RAB11A: variants seen among roughly 807,000 people sequenced by gnomAD.
The protein encoded by RAB11A is RAB11A, member RAS oncogene family, also known as ras-related protein Rab-11A.
RAB11A carries 9 observed loss-of-function variants against 28.0 expected under a neutral mutation model. That is an observed-to-expected ratio of 0.32 (90% CI 0.19 to 0.56). The LOEUF is 0.56. Among genes scored for constraint, RAB11A ranks in the 20% least tolerant of loss-of-function variants. RAB11A has a pLI of 0.91. For missense variants in RAB11A, 108 were observed against 269.6 expected (o/e 0.40, Z 4.20); for synonymous variants, 85 against 88.2 (o/e 0.96, Z 0.20).
intron 1 of RAB11A, among the ~76,000 whole-genome samples, chr15:65,876,768 A>G (rs1012371785): frequency 4.6e-5 from 7 of 152,194 alleles, no homozygotes; most frequent in African/African-American, 1.7e-4. Flanking sequence ...GGTGATGTTT[A>G]TAAACCCTAT....
intron 4 of RAB11A, among the ~76,000 whole-genome samples, chr15:65,885,273 C>A (rs921724977): frequency 3.3e-5 from 5 of 151,434 alleles, no homozygotes; most frequent in Non-Finnish European, 4.4e-5. Context: ...CAGGCGGGTG[C>A]CACCCCACCT....
rs965315803 is a variant in RAB11A, at chr15:65,891,541, A to AT, written c.*3702dup. 1.3e-5 allele frequency: 2 copies of AT among 152,212 alleles called. No homozygotes were observed. Among genetic ancestry groups the AT allele is most frequent in the African/African-American group, 4.8e-5 (2 of 41,438 alleles). The allele number at this position is 152,212 out of a possible 1,614,324, so 9.4% of individuals were successfully genotyped here. On this transcript the variant is annotated 3_prime_UTR_variant, in exon 5 of 5. Transcript: ENST00000261890. ...TTTGAGCCTCACATTCTTCCAATTAATGAGGGTACCAGATTAAATAAACTC... is the reference window on the plus strand; with the variant it reads ...TTTGAGCCTCACATTCTTCCAATTAATTGAGGGTACCAGATTAAATAAACTC...
intron 1 of RAB11A, 146 bp downstream of exon 1, chr15:65,869,771 C>A: frequency 1.2e-6 from 1 of 846,958 alleles, no homozygotes; most frequent in Non-Finnish European, 1.7e-6. Context: ...CTACCCAGCT[C>A]AGCCTCTTCT....
chr15:65,874,603 T>C (rs1025268322), intron 1 of RAB11A, among the ~76,000 whole-genome samples: 3 of 152,172 alleles, frequency 2.0e-5, no homozygotes, highest in Non-Finnish European at 4.4e-5. Flanking sequence ...AGAGTGCTTT[T>C]TTTTTGTAGT....
At chr15:65,874,532 C>T (rs1160949569) in intron 1 of RAB11A, among the ~76,000 whole-genome samples, 4 of 152,044 alleles carry the variant, frequency 2.6e-5, no homozygotes, top group African/African-American at 4.8e-5. Context: ...TGAGCCACCA[C>T]GCCCGGCCTA....
rs2078300965 is a variant in RAB11A at position 65,891,977 on chromosome 15, G to T, written c.*4137G>T. ...TTAAAATATACTCATGTCTGGGAGAGAACTTTTAAAAACATTTTGTGTTTA... is the reference window on the plus strand; with the variant it reads ...TTAAAATATACTCATGTCTGGGAGATAACTTTTAAAAACATTTTGTGTTTA... On this transcript the variant is annotated 3_prime_UTR_variant, in exon 5 of 5. Transcript: ENST00000261890. 1 of 152,114 alleles carries T rather than the reference G, an allele frequency of 6.6e-6. No individual in the cohort carries two copies. The highest frequency in any genetic ancestry group is 2.4e-5 in the African/African-American group (1 of 41,408). 9.4% of individuals were successfully genotyped at this position (152,114 alleles called of 1,614,324 possible).
rs1702377376 is a variant in RAB11A, at chr15:65,890,739, A to G, written c.*2899A>G. 1 of 152,204 alleles carries G rather than the reference A, an allele frequency of 6.6e-6. No homozygotes were observed. The highest frequency in any genetic ancestry group is 6.5e-5 in the Admixed American group (1 of 15,282). The allele number at this position is 152,204 out of a possible 1,614,324, so 9.4% of individuals were successfully genotyped here. ...TGTGATAATCTCTTCCATCTACCTTAGAGAAGAAGCTGTACTATTTAGACA... is the reference window on the plus strand; with the variant it reads ...TGTGATAATCTCTTCCATCTACCTTGGAGAAGAAGCTGTACTATTTAGACA... On this transcript the variant is annotated 3_prime_UTR_variant, in exon 5 of 5. Transcript: ENST00000261890.
At chr15:65,871,830 G>T (rs896277180) in intron 1 of RAB11A, among the ~76,000 whole-genome samples, 4 of 146,518 alleles carry the variant, frequency 2.7e-5, no homozygotes, top group Non-Finnish European at 5.9e-5. Flanking sequence ...AAGATTGTGA[G>T]AATTAAATAA....
At chr15:65,879,261 CTTGGCCTGCCAA>C (rs2078207216) in intron 3 of RAB11A, among the ~76,000 whole-genome samples, 1 of 152,212 alleles carries the variant, frequency 6.6e-6, no homozygotes, top group Non-Finnish European at 1.5e-5. Context: ...ATCCGCCTGC[CTTGGCCTGCCAA>C]AGTCCTGGGA....
intron 1 of RAB11A, among the ~76,000 whole-genome samples, chr15:65,875,096 G>A (rs1215762963): frequency 6.6e-6 from 1 of 151,876 alleles, no homozygotes; most frequent in Non-Finnish European, 1.5e-5. Context: ...TTTGAGACAA[G>A]TTCTGGCTCT....
intron 3 of RAB11A, among the ~76,000 whole-genome samples, chr15:65,878,552 G>A (rs982516787): frequency 2.0e-5 from 3 of 152,162 alleles, no homozygotes; most frequent in South Asian, 4.1e-4. Flanking sequence ...GGTGGCGGGC[G>A]CCTGTAGTCC....
chr15:65,875,130 G>C (rs1243928411), intron 1 of RAB11A, among the ~76,000 whole-genome samples: 3 of 152,082 alleles, frequency 2.0e-5, no homozygotes, highest in African/African-American at 7.2e-5. Flanking sequence ...GAGTACAGTG[G>C]TGCACAGTCC....
rs549740502 is a variant in RAB11A, at chr15:65,880,377, A to G, written c.511+626A>G. 3.9e-5 allele frequency among the ~76,000 whole-genome samples: 6 copies of G among 152,332 alleles called. No homozygotes were observed. In the South Asian group the frequency reaches 1.2e-3, roughly 32 times the overall value. ...GTTCACTCATATTTATCCTGAAACT[A>G]TTAGAATAACCAGATTTATTAGTAA... On this transcript the variant is annotated intron_variant, in intron 4 of 4. Coordinates refer to ENST00000261890, the MANE Select transcript of RAB11A (RefSeq NM_004663.5).
chr15:65,878,866 T>G (rs1489760410), intron 3 of RAB11A, among the ~76,000 whole-genome samples: 2 of 152,226 alleles, frequency 1.3e-5, no homozygotes, highest in African/African-American at 4.8e-5. Flanking sequence ...TAGCAAGAGA[T>G]GGAAATAACT....
At position 65,887,918 on chromosome 15, in the gene RAB11A, G is replaced by C. The variant is rs1352160725; in HGVS notation, c.*78G>C. The C allele has an allele frequency of 2.9e-6, 4 of 1,357,162 alleles. No individual in the cohort carries two copies. The highest frequency in any genetic ancestry group is 3.9e-6 in the Non-Finnish European group (4 of 1,033,088). The allele number at this position is 1,357,162 out of a possible 1,614,324, so 84.1% of individuals were successfully genotyped here. ...AGATTTAAATATATTTGTAATTCTT[G>C]TGTCACTTTTGTGTTTTATTACTTC... On this transcript the variant is annotated 3_prime_UTR_variant, in exon 5 of 5. Coordinates refer to ENST00000261890, the MANE Select transcript of RAB11A (RefSeq NM_004663.5).
intron 4 of RAB11A, among the ~76,000 whole-genome samples, chr15:65,884,742 T>C (rs921483181): frequency 6.7e-5 from 10 of 149,200 alleles, no homozygotes; most frequent in African/African-American, 2.2e-4. Flanking sequence ...AAGTCTCTTG[T>C]GGCTGGGTGT....
At chr15:65,872,903 C>T (rs1174210824) in intron 1 of RAB11A, among the ~76,000 whole-genome samples, 1 of 152,106 alleles carries the variant, frequency 6.6e-6, no homozygotes, top group Non-Finnish European at 1.5e-5. Context: ...GAGATTTATT[C>T]ACTGAGATGG....
intron 4 of RAB11A, among the ~76,000 whole-genome samples, chr15:65,885,320 G>C (rs2078249817): frequency 6.6e-6 from 1 of 151,642 alleles, no homozygotes; most frequent in African/African-American, 2.4e-5. Flanking sequence ...TAGAGACGGG[G>C]TTTCACCATG....
intron 4 of RAB11A, among the ~76,000 whole-genome samples, chr15:65,880,082 A>G (rs2141105243): frequency 6.6e-6 from 1 of 152,354 alleles, no homozygotes; most frequent in East Asian, 1.9e-4. Context: ...GATCCCAGCT[A>G]TAGAAAGATA....
Sources: gnomAD v4.1 joint callset for allele counts (sites outside exome capture counted in the v4.1 genomes callset) on GRCh38, gnomAD v4.1.1 for gene constraint, MANE v1.5 for transcripts, NCBI Gene and HGNC (gene_info 2026-07-23, HGNC 2026-07-21) for gene names.